NEK11: variants seen among roughly 807,000 people sequenced by gnomAD.
NEK11 encodes the protein serine/threonine-protein kinase Nek11.
A neutral mutation model predicts 80.7 loss-of-function variants in NEK11; 72 were observed. The ratio of observed to expected loss-of-function variants is 0.89; its 90% CI spans 0.74 to 1.08. NEK11 has a LOEUF of 1.08. Among genes scored for constraint, NEK11 ranks in the 50% least tolerant of loss-of-function variants. The probability of loss-of-function intolerance (pLI) is 0.00; values close to 1 mark genes in which losing one functional copy is unlikely to be tolerated. For missense variants in NEK11, 764 were observed against 763.6 expected, an observed-to-expected ratio of 1.00 and a Z score of -0.01; for synonymous variants, 251 against 260.7, an observed-to-expected ratio of 0.96 and a Z score of 0.36.
At chr3:131,263,118 A>G (rs1178727828) in intron 16 of NEK11, among the ~76,000 whole-genome samples, 7 of 151,412 alleles carry the variant, frequency 4.6e-5, no homozygotes, top group Admixed American at 4.6e-4. Flanking sequence ...TACATGTGCC[A>G]TGTTGGTGTG....
intron 16 of NEK11, among the ~76,000 whole-genome samples, chr3:131,250,145 G>A (rs1257132056): frequency 1.3e-5 from 2 of 151,756 alleles, no homozygotes; most frequent in Non-Finnish European, 2.9e-5. Context: ...TAGAAGGTTT[G>A]GAAGATAAAA....
chr3:131,159,607 A>G (rs1389055585), intron 10 of NEK11, among the ~76,000 whole-genome samples: 1 of 152,172 alleles, frequency 6.6e-6, no homozygotes, highest in Non-Finnish European at 1.5e-5. Flanking sequence ...CTCTACAAAA[A>G]TACAAAAGTT....
chr3:131,186,717 A>AT (rs1342424837), intron 14 of NEK11, among the ~76,000 whole-genome samples: 2 of 152,174 alleles, frequency 1.3e-5, no homozygotes, highest in Admixed American at 6.6e-5. Context: ...ATATGTATCC[A>AT]TTTTTCCATT....
intron 14 of NEK11, among the ~76,000 whole-genome samples, chr3:131,189,044 A>G (rs1446125479): frequency 7.2e-5 from 11 of 152,148 alleles, no homozygotes; most frequent in African/African-American, 1.9e-4. Flanking sequence ...AATACAAAGA[A>G]GATGATGTGA....
intron 5 of NEK11, among the ~76,000 whole-genome samples, chr3:131,129,818 G>A (rs1418906641): frequency 6.6e-6 from 1 of 151,996 alleles, no homozygotes; most frequent in Admixed American, 6.6e-5. Flanking sequence ...CTCCAATACT[G>A]TACTGTCTTA....
chr3:131,161,149 CAA>C (rs371334381), intron 10 of NEK11, among the ~76,000 whole-genome samples: 204 of 115,082 alleles, frequency 1.8e-3, no homozygotes, highest in South Asian at 0.013. Flanking sequence ...GACTCCATCT[CAA>C]AAAAAAAAAA....
chr3:131,073,346 T>C lies in NEK11; in HGVS notation c.171-7077T>C, dbSNP rs184691787. Among the ~76,000 whole-genome samples, 32 of 152,324 alleles carry C rather than the reference T, an allele frequency of 2.1e-4. No homozygotes were observed. The East Asian group carries it at 5.8e-3, about 28-fold the overall frequency. On this transcript the variant is annotated intron_variant, in intron 3 of 17. Coordinates refer to ENST00000383366, the MANE Select transcript of NEK11 (RefSeq NM_024800.5). ...CTTAAAACTAAAAGGCAATTTGCAA[T>C]GATTTGTTATAGTACCAGCACTGAG...
intron 5 of NEK11, among the ~76,000 whole-genome samples, chr3:131,129,097 A>C (rs1194381562): frequency 7.8e-6 from 1 of 127,972 alleles, no homozygotes; most frequent in Non-Finnish European, 1.6e-5. Context: ...TCTGTCACGC[A>C]GGCGTGTCAG....
At chr3:131,041,978 C>A (rs962751863) in intron 3 of NEK11, among the ~76,000 whole-genome samples, 1 of 152,132 alleles carries the variant, frequency 6.6e-6, no homozygotes, top group Non-Finnish European at 1.5e-5. Context: ...GGGGCGTCAC[C>A]TCACCCCGGA....
rs1302763370 is a variant in NEK11, at chr3:131,152,418, C to A, written c.678C>A (p.Cys226Ter). ...TGGCATGCATTTTGTATGAGATGTG[C>A]TGCATGAATCATGCATTCGCTGGCT... is the stretch of plus-strand genomic sequence containing the variant. The part of the protein sequence containing the change: ...WSLACILYEM[C>*]CMNHAFAGSN... The change falls in exon 8 of 18, where the codon TGC becomes TGA. Residue 226 changes from cysteine (C) to a stop codon, truncating the protein, a stop_gained. Transcript: ENST00000383366. LOFTEE classifies it high-confidence loss of function. 2.5e-6 allele frequency: 4 copies of A among 1,612,790 alleles called. No homozygotes were observed. Among genetic ancestry groups the A allele is most frequent in the African/African-American group, 1.3e-5 (1 of 74,844 alleles).
intron 3 of NEK11, chr3:131,054,470 GA>G (rs1251855472): frequency 2.0e-5 from 3 of 152,228 alleles, no homozygotes; most frequent in Admixed American, 6.6e-5. Context: ...CAACTTACCT[GA>G]TGGAGGGGAA....
intron 17 of NEK11, among the ~76,000 whole-genome samples, chr3:131,322,180 T>C (rs937792088): frequency 6.6e-6 from 1 of 152,298 alleles, no homozygotes; most frequent in South Asian, 2.1e-4. Context: ...TGTAATCATG[T>C]CCTTTGCAGC....
chr3:131,161,334 A>G (rs2091551341), intron 10 of NEK11, among the ~76,000 whole-genome samples: 2 of 152,200 alleles, frequency 1.3e-5, no homozygotes, highest in African/African-American at 4.8e-5. Flanking sequence ...ATTACTGGAT[A>G]TATACCTAAA....
chr3:131,052,754 A>C (rs141582230), intron 3 of NEK11, among the ~76,000 whole-genome samples: 179 of 152,318 alleles, frequency 1.2e-3, no homozygotes, highest in Non-Finnish European at 2.1e-3. Context: ...AGTTTTTGGA[A>C]TAGGCCCAGT....
chr3:131,337,183 C>T (rs1335795286), intron 17 of NEK11, among the ~76,000 whole-genome samples: 4 of 152,134 alleles, frequency 2.6e-5, no homozygotes, highest in Admixed American at 6.5e-5. Context: ...TATTGTGGCA[C>T]TATTCACAAT....
chr3:131,039,504 T>G (rs1006104733), intron 3 of NEK11, among the ~76,000 whole-genome samples: 3 of 152,206 alleles, frequency 2.0e-5, no homozygotes, highest in African/African-American at 7.2e-5. Context: ...CCTTTTACCA[T>G]TGCTTACTTT....
chr3:131,133,947 C>T lies in NEK11; in HGVS notation c.638C>T (p.Ser213Leu), dbSNP rs55920129. The change falls in exon 7 of 18, where the codon TCG becomes TTG. Residue 213 changes from serine to leucine, a missense_variant. By Grantham distance (145) the Ser-to-Leu change is moderately radical (BLOSUM62 -2). Coordinates refer to ENST00000383366, the MANE Select transcript of NEK11 (RefSeq NM_024800.5). ...ALKHQGYDTK[S>L]DIWSLACILY... ...AAACACCAAGGCTATGACACAAAGT[C>T]GGACATCTGGTGAGTGGGCTAGTGG... 35 of 1,608,588 alleles carry T rather than the reference C, an allele frequency of 2.2e-5. No individual in the cohort carries two copies. In the East Asian group the frequency reaches 2.5e-4, roughly 11 times the overall value.
rs1473593398 is a variant in NEK11, at chr3:131,162,477, G to A, written c.1032G>A (p.Arg344=). The part of the protein sequence containing the change: ...SEVQKMTPRE[R]MRLRKLQAAD... Reference sequence around the variant, plus strand: ...TACAGAAAATGACGCCAAGAGAAAGGATGCGGCTGAGGAAGCTCCAGGCGG... The same window carrying A: ...TACAGAAAATGACGCCAAGAGAAAGAATGCGGCTGAGGAAGCTCCAGGCGG... Residue 344 remains arginine (R), a synonymous_variant, in exon 11 of 18, where the codon AGG becomes AGA. Coordinates refer to ENST00000383366, the MANE Select transcript of NEK11 (RefSeq NM_024800.5). 6.2e-7 allele frequency: 1 copy of A among 1,614,114 alleles called. No homozygotes were observed. The highest frequency in any genetic ancestry group is 8.5e-7 in the Non-Finnish European group (1 of 1,179,990).
At chr3:131,266,431 G>T (rs185855410) in intron 16 of NEK11, among the ~76,000 whole-genome samples, 2 of 152,296 alleles carry the variant, frequency 1.3e-5, no homozygotes, top group Admixed American at 1.3e-4. Flanking sequence ...CAGTTTCAAA[G>T]AACTTATTTA....
Sources: allele counts gnomAD v4.1 joint callset (sites outside exome capture counted in the v4.1 genomes callset), GRCh38; gene constraint gnomAD v4.1.1; transcripts MANE v1.5; gene names NCBI Gene and HGNC (gene_info 2026-07-23, HGNC 2026-07-21).